Variants in TP53BP2 observed in about 807,000 individuals in gnomAD.
TP53BP2 encodes the protein apoptosis-stimulating of p53 protein 2.
Under a neutral mutation model 126.2 loss-of-function variants are expected in TP53BP2, and 62 were observed. The ratio of observed to expected loss-of-function variants is 0.49; its 90% confidence interval spans 0.40 to 0.61. The LOEUF is 0.61. TP53BP2 is among the 20% of genes least tolerant of loss of function. TP53BP2 has a pLI of 0.00. For missense variants in TP53BP2, 1,215 were observed against 1,402.8 expected (o/e 0.87, Z 2.14); for synonymous variants, 485 against 502.9 (o/e 0.96, Z 0.48).
chr1:223,810,910 T>C lies in TP53BP2; in HGVS notation c.290-397A>G, dbSNP rs529811697. On this transcript the variant is annotated intron_variant, in intron 3 of 17. Transcript: ENST00000343537. ...ACCAAGAAAAACTTCACTGAAATAG[T>C]TGAAAATTACATCAATGCATCCTTG... is the stretch of plus-strand genomic sequence containing the variant. 3.3e-5 allele frequency among the ~76,000 whole-genome samples: 5 copies of C among 152,288 alleles called. No homozygotes were observed. The East Asian group carries it at 9.6e-4, about 29-fold the overall frequency.
At chr1:223,825,026 A>ACAC (rs1663440274) in intron 1 of TP53BP2, among the ~76,000 whole-genome samples, 1 of 143,470 alleles carries the variant, frequency 7.0e-6, no homozygotes, top group African/African-American at 2.6e-5. Context: ...TCCAACACCA[A>ACAC]ACACACACAC....
At chr1:223,787,598 C>G (rs988247548) in intron 16 of TP53BP2, among the ~76,000 whole-genome samples, 3 of 151,616 alleles carry the variant, frequency 2.0e-5, no homozygotes, top group Non-Finnish European at 4.4e-5. Context: ...TTTAAAAGGT[C>G]AGGCATGGTG....
rs749228430 is a variant in TP53BP2, at chr1:223,806,838, G to A, written c.474+8C>T. On this transcript the variant is annotated splice_region_variant and intron_variant, in intron 5 of 17. Coordinates refer to ENST00000343537, the MANE Select transcript of TP53BP2 (RefSeq NM_001031685.3). The stretch of plus-strand genomic sequence containing the variant: ...GCATTCATCTCCAAAAAAAAAGGAC[G>A]ATACTACCTTAGTTGCCAGCAATTG... 42 of 1,610,632 alleles carry A rather than the reference G, an allele frequency of 2.6e-5. No individual in the cohort carries two copies. In the South Asian group the frequency reaches 3.5e-4, roughly 14 times the overall value.
intron 17 of TP53BP2, among the ~76,000 whole-genome samples, chr1:223,782,705 G>A (rs1301841663): frequency 1.3e-5 from 2 of 152,016 alleles, no homozygotes; most frequent in Non-Finnish European, 2.9e-5. Context: ...CTCCTGCCTC[G>A]GCCTCCCAAA....
At chr1:223,805,467 A>G (rs1018353347) in intron 5 of TP53BP2, among the ~76,000 whole-genome samples, 1 of 152,222 alleles carries the variant, frequency 6.6e-6, no homozygotes, top group African/African-American at 2.4e-5. Context: ...CACGATCCCC[A>G]GGTGATTCAT....
intron 1 of TP53BP2, among the ~76,000 whole-genome samples, chr1:223,825,359 G>T (rs994517395): frequency 5.9e-5 from 9 of 152,164 alleles, no homozygotes; most frequent in African/African-American, 1.9e-4. Flanking sequence ...GCAAAACCAA[G>T]ATTGAGCCCC....
In TP53BP2 at chr1:223,798,200, C is replaced by T. The variant is rs1243596610; in HGVS notation, c.1948+15G>A. The T allele has an allele frequency of 4.4e-6, 7 of 1,603,128 alleles. No individual in the cohort carries two copies. In the East Asian group the frequency reaches 8.9e-5, roughly 20 times the overall value. ...AGAACTTAAGCACGTCACCTATGAACGTTAAGAACCTTACCACTTGAAAAG... is the reference window on the plus strand; with the variant it reads ...AGAACTTAAGCACGTCACCTATGAATGTTAAGAACCTTACCACTTGAAAAG... On this transcript the variant is annotated intron_variant, in intron 12 of 17. Transcript: ENST00000343537.
At chr1:223,816,395 C>G (rs919179665) in intron 2 of TP53BP2, among the ~76,000 whole-genome samples, 4 of 152,000 alleles carry the variant, frequency 2.6e-5, no homozygotes, top group Non-Finnish European at 4.4e-5. Flanking sequence ...ATTTACACCT[C>G]TGGAATAAGA....
chr1:223,845,540 CGCGG>C, intron 1 of TP53BP2, 110 bp downstream of exon 1: 2 of 1,186,726 alleles, frequency 1.7e-6, no homozygotes, highest in Non-Finnish European at 2.2e-6. Context: ...GGCCCCTCCG[CGCGG>C]GCTGCGGCCC....
chr1:223,803,459 GAGACA>G lies in TP53BP2; in HGVS notation c.650-12_650-8del. 1 of 1,600,168 alleles carries G rather than the reference GAGACA, an allele frequency of 6.2e-7. No individual in the cohort carries two copies. The highest frequency in any genetic ancestry group is 8.5e-7 in the Non-Finnish European group (1 of 1,172,074). On this transcript the variant is annotated splice_region_variant and splice_polypyrimidine_tract_variant and intron_variant, in intron 6 of 17. Coordinates refer to ENST00000343537, the MANE Select transcript of TP53BP2 (RefSeq NM_001031685.3). ...ATCTGTTCAATTTCCTCCACTAGAT[GAGACA>G]GAGAACAGCAACAACAGTTGAAAAG... is the stretch of plus-strand genomic sequence containing the variant.
chr1:223,806,302 G>T (rs1662714181), intron 5 of TP53BP2, among the ~76,000 whole-genome samples: 1 of 152,068 alleles, frequency 6.6e-6, no homozygotes, highest in African/African-American at 2.4e-5. Context: ...GGTTAATCTT[G>T]ATCAGAATCA....
At chr1:223,831,473 AAAAAAAAATAT>A (rs1359777788) in intron 1 of TP53BP2, among the ~76,000 whole-genome samples, 9 of 44,946 alleles carry the variant, frequency 2.0e-4, no homozygotes, top group Non-Finnish European at 3.7e-4. Context: ...ATCTAAAAAA[AAAAAAAAATAT>A]ATATATATAT....
intron 3 of TP53BP2, among the ~76,000 whole-genome samples, chr1:223,812,404 C>A (rs962751004): frequency 3.3e-5 from 5 of 152,056 alleles, no homozygotes; most frequent in Admixed American, 3.3e-4. Context: ...TTTTTGGAGA[C>A]GGAGTCTCGC....
At position 223,789,341 on chromosome 1, in the gene TP53BP2, T is replaced by C. The variant is rs1453044216; in HGVS notation, c.2997-167A>G. ...AGTTCAACACAGATGATTGAACCCATCAAAGAATTACAGCCACAAATGAAA... is the reference window on the plus strand; with the variant it reads ...AGTTCAACACAGATGATTGAACCCACCAAAGAATTACAGCCACAAATGAAA... On this transcript the variant is annotated intron_variant, in intron 15 of 17. Transcript: ENST00000343537. Among the ~76,000 whole-genome samples the C allele has an allele frequency of 2.6e-5, 4 of 152,156 alleles. No homozygotes were observed. The East Asian group carries it at 7.7e-4, about 29-fold the overall frequency.
chr1:223,831,549 G>A (rs1256979785), intron 1 of TP53BP2, among the ~76,000 whole-genome samples: 4 of 133,084 alleles, frequency 3.0e-5, no homozygotes, highest in Non-Finnish European at 4.7e-5. Context: ...GAAAATCAGC[G>A]ACACCAGAGG....
intron 4 of TP53BP2, among the ~76,000 whole-genome samples, chr1:223,808,244 C>T (rs1044739599): frequency 3.9e-5 from 6 of 152,146 alleles, no homozygotes; most frequent in Admixed American, 1.3e-4. Context: ...ACCTCAGGGC[C>T]GGGCACGGTG....
chr1:223,793,219 T>G, intron 14 of TP53BP2, 84 bp downstream of exon 14: 1 of 1,079,296 alleles, frequency 9.3e-7, no homozygotes, highest in Non-Finnish European at 1.2e-6. Flanking sequence ...GGTCATATTT[T>G]AAAAATTTAC....
chr1:223,793,385 C>T lies in TP53BP2; in HGVS notation c.2780G>A (p.Arg927Lys), dbSNP rs1159513650. The T allele has an allele frequency of 1.1e-5, 18 of 1,611,154 alleles. No homozygotes were observed. The highest frequency in any genetic ancestry group is 2.7e-5 in the African/African-American group (2 of 74,778). The change falls in exon 14 of 18, where the codon AGG becomes AAG. Residue 927 changes from arginine to lysine, a missense_variant. By Grantham distance (26) the Arg-to-Lys change is conservative (BLOSUM62 2). Coordinates refer to ENST00000343537, the MANE Select transcript of TP53BP2 (RefSeq NM_001031685.3). ...TGSERIAHGM[R>K]VKFNPLALLL... Reference sequence around the variant, plus strand: ...TAAAGCAAGGGGGTTGAATTTCACCCTCATTCCATGAGCGATACGCTCTGA... The same window carrying T: ...TAAAGCAAGGGGGTTGAATTTCACCTTCATTCCATGAGCGATACGCTCTGA...
intron 4 of TP53BP2, among the ~76,000 whole-genome samples, chr1:223,807,911 T>C (rs772685552): frequency 1.3e-5 from 2 of 152,178 alleles, no homozygotes; most frequent in Admixed American, 6.5e-5. Flanking sequence ...ACAGGCATTT[T>C]TGTAAAAATT....
Sources: gnomAD v4.1 joint callset for allele counts (sites outside exome capture counted in the v4.1 genomes callset) on GRCh38, gnomAD v4.1.1 for gene constraint, MANE v1.5 for transcripts, NCBI Gene and HGNC (gene_info 2026-07-23, HGNC 2026-07-21) for gene names.